The following AGFG1 variants were observed in gnomAD, a reference collection of about 807,000 sequenced individuals.
The protein encoded by AGFG1 is arf-GAP domain and FG repeat-containing protein 1.
In AGFG1, 10 loss-of-function variants were observed where a neutral mutation model predicts 60.6. The ratio of observed to expected loss-of-function variants is 0.16; its 90% CI spans 0.10 to 0.28. The LOEUF (loss-of-function observed/expected upper bound fraction) is 0.28. Ranked by LOEUF, AGFG1 falls within the 10% of genes least tolerant of loss-of-function variation. AGFG1 has a pLI of 1.00. For synonymous variants in AGFG1, 247 were observed against 242.9 expected, an observed-to-expected ratio of 1.02 and a Z score of -0.16; for missense variants, 537 against 676.5, an observed-to-expected ratio of 0.79 and a Z score of 2.29.
chr2:227,518,966 A>G (rs1691741494), intron 2 of AGFG1, among the ~76,000 whole-genome samples: 1 of 152,098 alleles, frequency 6.6e-6, no homozygotes, highest in African/African-American at 2.4e-5. Context: ...TGAGCTCATG[A>G]GTTCGAGACC....
In AGFG1 at chr2:227,556,305, T is replaced by TA. The variant is rs1692970276; in HGVS notation, c.*1814dup. 6.6e-6 allele frequency: 1 copy of TA among 152,542 alleles called. No homozygotes were observed. The highest frequency in any genetic ancestry group is 6.5e-5 in the Admixed American group (1 of 15,290). 9.4% of individuals were successfully genotyped at this position (152,542 alleles called of 1,614,324 possible). A position where few individuals can be genotyped will look rare whatever the true frequency, so the allele number is the denominator to read the frequency against. On this transcript the variant is annotated 3_prime_UTR_variant, in exon 13 of 13. Transcript: ENST00000310078. ...AACCTGTATAGTGTTTTAGACTTGTTAAAACATTGCTGTCTAGTGTACATC... is the reference window on the plus strand; with the variant it reads ...AACCTGTATAGTGTTTTAGACTTGTTAAAAACATTGCTGTCTAGTGTACATC...
intron 11 of AGFG1, among the ~76,000 whole-genome samples, chr2:227,552,929 G>A (rs1272954663): frequency 4.7e-5 from 7 of 148,912 alleles, no homozygotes; most frequent in Non-Finnish European, 1.0e-4. Context: ...TTGAACCCGG[G>A]AGGCGGAGGT....
intron 2 of AGFG1, among the ~76,000 whole-genome samples, chr2:227,501,569 T>C (rs986781299): frequency 6.6e-6 from 1 of 152,168 alleles, no homozygotes; most frequent in African/African-American, 2.4e-5. Context: ...TGGACACTTC[T>C]TCCTATTCAG....
intron 2 of AGFG1, among the ~76,000 whole-genome samples, chr2:227,494,185 T>C (rs1690908754): frequency 6.6e-6 from 1 of 152,164 alleles, no homozygotes; most frequent in Non-Finnish European, 1.5e-5. Flanking sequence ...TAGAGGGTGA[T>C]GAAGATACGA....
chr2:227,480,633 T>G (rs1690429777), intron 1 of AGFG1, among the ~76,000 whole-genome samples: 1 of 151,904 alleles, frequency 6.6e-6, no homozygotes, highest in East Asian at 1.9e-4. Context: ...TTTTATAATC[T>G]TCTGCTCTGG....
chr2:227,504,958 T>C (rs1340374814), intron 2 of AGFG1, among the ~76,000 whole-genome samples: 1 of 152,220 alleles, frequency 6.6e-6, no homozygotes, highest in Non-Finnish European at 1.5e-5. Flanking sequence ...TGATTGATGG[T>C]GTTTAGATGT....
At chr2:227,541,793 G>A (rs982413987) in intron 10 of AGFG1, among the ~76,000 whole-genome samples, 4 of 152,098 alleles carry the variant, frequency 2.6e-5, no homozygotes, top group African/African-American at 7.2e-5. Flanking sequence ...GGGCAGTATG[G>A]CCATTTTCAC....
At chr2:227,517,696 C>A (rs71431054) in intron 2 of AGFG1, among the ~76,000 whole-genome samples, 1 of 152,162 alleles carries the variant, frequency 6.6e-6, no homozygotes, top group East Asian at 1.9e-4. Flanking sequence ...GAGAAGTACG[C>A]TTTTCCTTCC....
chr2:227,546,691 T>C (rs1161548680), intron 10 of AGFG1, among the ~76,000 whole-genome samples: 1 of 152,220 alleles, frequency 6.6e-6, no homozygotes, highest in Non-Finnish European at 1.5e-5. Flanking sequence ...GATTAGCCTA[T>C]TGTGGCCTAA....
At position 227,520,028 on chromosome 2, in the gene AGFG1, A is replaced by C. The variant is rs1559184373; in HGVS notation, c.342A>C (p.Lys114Asn). The C allele has an allele frequency of 6.3e-7, 1 of 1,581,178 alleles. No homozygotes were observed. Among genetic ancestry groups the C allele is most frequent in the South Asian group, 1.2e-5 (1 of 85,224 alleles). ...IPDFRDPQKV[K>N]EFLQEKYEKK... ...ACTTCAGGGATCCACAAAAAGTGAAAGAGTTTCTACAAGAAAAGTATGAAA... is the reference window on the plus strand; with the variant it reads ...ACTTCAGGGATCCACAAAAAGTGAACGAGTTTCTACAAGAAAAGTATGAAA... Residue 114 changes from lysine to asparagine, a missense_variant, in exon 3 of 13, where the codon AAA (lysine) becomes AAC (asparagine). Around this residue, in one of 4 missense-constraint regions of AGFG1, gnomAD observed 120 missense variants for 198.5 expected, o/e 0.60. Coordinates refer to ENST00000310078, the MANE Select transcript of AGFG1 (RefSeq NM_004504.5).
chr2:227,485,976 A>T (rs1320784189), intron 1 of AGFG1, among the ~76,000 whole-genome samples: 1 of 152,108 alleles, frequency 6.6e-6, no homozygotes, highest in Non-Finnish European at 1.5e-5. Context: ...CTCATATTTT[A>T]TTGAACTTAA....
intron 2 of AGFG1, among the ~76,000 whole-genome samples, chr2:227,513,724 C>CT (rs1691567129): frequency 6.6e-6 from 1 of 152,194 alleles, no homozygotes; most frequent in Non-Finnish European, 1.5e-5. Context: ...ATAAAATATG[C>CT]TTTAACATGT....
intron 2 of AGFG1, among the ~76,000 whole-genome samples, chr2:227,513,601 C>T (rs1458828923): frequency 6.6e-6 from 1 of 152,220 alleles, no homozygotes; most frequent in Non-Finnish European, 1.5e-5. Flanking sequence ...GGATATAACA[C>T]TCTCACTTGT....
At chr2:227,528,210 C>G (rs1692053626) in intron 5 of AGFG1, among the ~76,000 whole-genome samples, 1 of 152,158 alleles carries the variant, frequency 6.6e-6, no homozygotes, top group Non-Finnish European at 1.5e-5. Context: ...TAGAAGGAAA[C>G]TGGCGTAATT....
intron 1 of AGFG1, among the ~76,000 whole-genome samples, chr2:227,474,977 C>T (rs1424774366): frequency 6.6e-6 from 1 of 152,064 alleles, no homozygotes; most frequent in Non-Finnish European, 1.5e-5. Flanking sequence ...AAACATCTCA[C>T]GTAATGCCTG....
chr2:227,484,981 A>G (rs1376798361), intron 1 of AGFG1, among the ~76,000 whole-genome samples: 2 of 151,956 alleles, frequency 1.3e-5, no homozygotes, highest in African/African-American at 2.4e-5. Context: ...AAGTGCTGGG[A>G]TTACACACAT....
At chr2:227,508,997 T>G (rs906402417) in intron 2 of AGFG1, among the ~76,000 whole-genome samples, 1 of 152,116 alleles carries the variant, frequency 6.6e-6, no homozygotes, top group Non-Finnish European at 1.5e-5. Context: ...CACCAAAATT[T>G]CAGAAAAATT....
At chr2:227,489,191 C>G (rs1271483019) in intron 1 of AGFG1, among the ~76,000 whole-genome samples, 1 of 145,382 alleles carries the variant, frequency 6.9e-6, no homozygotes, top group Admixed American at 6.9e-5. Context: ...CAAGTTACTA[C>G]TGAGGTTGTT....
In AGFG1 at chr2:227,472,234, C is replaced by A; in HGVS notation, c.-188C>A. 1 of 185,800 alleles carries A rather than the reference C, an allele frequency of 5.4e-6. No individual in the cohort carries two copies. Among genetic ancestry groups the A allele is most frequent in the South Asian group, 1.6e-4 (1 of 6,236 alleles). The allele number at this position is 185,800 out of a possible 1,614,324, so 11.5% of individuals were successfully genotyped here. A position where few individuals can be genotyped will look rare whatever the true frequency, so the allele number is the denominator to read the frequency against. On this transcript the variant is annotated 5_prime_UTR_variant, in exon 1 of 13. Transcript: ENST00000310078. ...TGCCGGTTGGTGTGGCCCGTCAGCC[C>A]GCGTACCACAGCGCCCGGGCCGCGT...
Sources: gnomAD v4.1 joint callset for allele counts (sites outside exome capture counted in the v4.1 genomes callset) on GRCh38, gnomAD v4.1.1 for gene constraint, gnomAD v4.1.1 regional missense constraint, MANE v1.5 for transcripts, NCBI Gene and HGNC (gene_info 2026-07-23, HGNC 2026-07-21) for gene names.